The following OTOP1 variants were observed in gnomAD, a reference collection of about 807,000 sequenced individuals.
The protein encoded by OTOP1 is proton channel OTOP1.
OTOP1 carries 59 observed loss-of-function variants against 52.9 expected under a neutral mutation model. That is an observed-to-expected ratio of 1.12 (90% confidence interval 0.91 to 1.39). The LOEUF is 1.39. OTOP1 is among the 40% of genes most tolerant of loss of function. The pLI, the probability that OTOP1 is intolerant of heterozygous loss-of-function variation, is 0.00. For synonymous variants in OTOP1, 317 were observed against 337.7 expected (o/e 0.94, Z 0.67); for missense variants, 761 against 800.9 (o/e 0.95, Z 0.60).
At chr4:4,216,974 A>G (rs2980152) in intron 1 of OTOP1, among the ~76,000 whole-genome samples, 103,727 of 152,162 alleles carry the variant, frequency 0.68, 35,843 homozygotes, top group South Asian at 0.78. Context: ...GCAGGTGTGG[A>G]CGGGGCCCCA....
At chr4:4,191,173 C>T (rs746940147) in intron 5 of OTOP1, among the ~76,000 whole-genome samples, 23 of 152,236 alleles carry the variant, frequency 1.5e-4, no homozygotes, top group Non-Finnish European at 2.6e-4. Context: ...CATAACCATG[C>T]CCCCTCCCAT....
chr4:4,192,705 G>A (rs1716540046), intron 5 of OTOP1, among the ~76,000 whole-genome samples: 1 of 152,190 alleles, frequency 6.6e-6, no homozygotes, highest in Admixed American at 6.5e-5. Flanking sequence ...TGTGAAGGCA[G>A]GGGTCACACT....
chr4:4,208,198 C>T (rs1716950323), intron 2 of OTOP1, among the ~76,000 whole-genome samples: 1 of 152,180 alleles, frequency 6.6e-6, no homozygotes, highest in African/African-American at 2.4e-5. Context: ...TTCAACACAG[C>T]TATTTTAGGG....
Position 4,226,459 on chromosome 4 carries a change from C to G in OTOP1, c.403+3G>C. 1 of 1,460,774 alleles carries G rather than the reference C, an allele frequency of 6.8e-7. No homozygotes were observed. The highest frequency in any genetic ancestry group is 2.3e-5 in the Admixed American group (1 of 43,970). The allele number at this position is 1,460,774 out of a possible 1,614,324, so 90.5% of individuals were successfully genotyped here. A position where few individuals can be genotyped will look rare whatever the true frequency, so the allele number is the denominator to read the frequency against. On this transcript the variant is annotated splice_donor_region_variant and intron_variant, in intron 1 of 5. Coordinates refer to ENST00000296358, the MANE Select transcript of OTOP1 (RefSeq NM_177998.3). ...GACCCGCTCGCCCGGCGCCTGGACTCACCGCGCAGCCAGCCGGCACCCGCG... is the reference window on the plus strand; with the variant it reads ...GACCCGCTCGCCCGGCGCCTGGACTGACCGCGCAGCCAGCCGGCACCCGCG...
rs758517080 is a variant in OTOP1 at position 4,197,726 on chromosome 4, G to T, written c.1108C>A (p.Arg370=). The change falls in exon 5 of 6, where the codon CGG becomes AGG. Residue 370 remains arginine, a synonymous_variant. Coordinates refer to ENST00000296358, the MANE Select transcript of OTOP1 (RefSeq NM_177998.3). Reference sequence around the variant, plus strand: ...GACTTCTCGTCTATCCTGTAAATCCGGATTCCAGCCAGCCCCGCAGCCCCC... The same window carrying T: ...GACTTCTCGTCTATCCTGTAAATCCTGATTCCAGCCAGCCCCGCAGCCCCC... ...LMGAAGLAGI[R]IYRIDEKSLD... 11 of 1,613,828 alleles carry T rather than the reference G, an allele frequency of 6.8e-6. No homozygotes were observed. Among genetic ancestry groups the T allele is most frequent in the Non-Finnish European group, 7.6e-6 (9 of 1,179,978 alleles).
chr4:4,209,769 G>A (rs200710357), intron 2 of OTOP1, among the ~76,000 whole-genome samples: 2 of 152,118 alleles, frequency 1.3e-5, no homozygotes, highest in African/African-American at 2.4e-5. Flanking sequence ...AGCTGTGGTT[G>A]GAGCCAGAGT....
chr4:4,223,813 G>T (rs965230046), intron 1 of OTOP1, among the ~76,000 whole-genome samples: 2 of 151,720 alleles, frequency 1.3e-5, no homozygotes, highest in African/African-American at 2.4e-5. Context: ...TGAGGCAGGA[G>T]AATCACTTGA....
chr4:4,203,001 C>A (rs1470883873), intron 3 of OTOP1, among the ~76,000 whole-genome samples: 1 of 152,232 alleles, frequency 6.6e-6, no homozygotes, highest in African/African-American at 2.4e-5. Context: ...AGCAGGTCCA[C>A]CCTTACTGCT....
intron 3 of OTOP1, among the ~76,000 whole-genome samples, chr4:4,205,115 G>C (rs996299658): frequency 1.3e-5 from 2 of 152,098 alleles, no homozygotes; most frequent in African/African-American, 4.8e-5. Flanking sequence ...TTGCAGTTAG[G>C]AGATTCACTC....
At chr4:4,224,307 A>G (rs1025495851) in intron 1 of OTOP1, among the ~76,000 whole-genome samples, 1 of 149,918 alleles carries the variant, frequency 6.7e-6, no homozygotes, top group African/African-American at 2.5e-5. Context: ...AGATCGCACC[A>G]TTGCACTCCA....
chr4:4,210,750 C>T (rs187019304), intron 2 of OTOP1, among the ~76,000 whole-genome samples: 2 of 152,058 alleles, frequency 1.3e-5, no homozygotes, highest in Admixed American at 1.3e-4. Context: ...AGAATTGCTT[C>T]AACCCAGGAG....
At chr4:4,204,607 C>T (rs1239052765) in intron 3 of OTOP1, among the ~76,000 whole-genome samples, 1 of 152,132 alleles carries the variant, frequency 6.6e-6, no homozygotes, top group African/African-American at 2.4e-5. Flanking sequence ...ACGTCATTTT[C>T]TCATGCCAGG....
At position 4,197,154 on chromosome 4, in the gene OTOP1, G is replaced by C. The variant is rs112199944; in HGVS notation, c.1668+12C>G. On this transcript the variant is annotated intron_variant, in intron 5 of 5. Transcript: ENST00000296358. Reference sequence around the variant, plus strand: ...AAAATTAAAAGAATAAGAATAACTTGGTGCAGATTACCGAAATATTGCAGA... The same window carrying C: ...AAAATTAAAAGAATAAGAATAACTTCGTGCAGATTACCGAAATATTGCAGA... 210 of 1,586,594 alleles carry C rather than the reference G, an allele frequency of 1.3e-4. 1 individual carries two copies. The highest frequency in any genetic ancestry group is 5.8e-4 in the Admixed American group (33 of 56,552).
At position 4,202,431 on chromosome 4, in the gene OTOP1, C is replaced by T. The variant is rs530099148; in HGVS notation, c.730+17G>A. The T allele has an allele frequency of 3.5e-4, 560 of 1,612,652 alleles. 2 individuals are homozygous for T. The highest frequency in any genetic ancestry group is 6.6e-4 in the Middle Eastern group (4 of 6,056). ...TCCAACATGGCAGAAGGGCCACTCA[C>T]CTCTCTCACCACTCACCTGTTGTTA... is the stretch of plus-strand genomic sequence containing the variant. On this transcript the variant is annotated intron_variant, in intron 4 of 5. Coordinates refer to ENST00000296358, the MANE Select transcript of OTOP1 (RefSeq NM_177998.3).
chr4:4,215,786 T>C (rs1717134199), intron 1 of OTOP1, among the ~76,000 whole-genome samples: 1 of 152,120 alleles, frequency 6.6e-6, no homozygotes, highest in Non-Finnish European at 1.5e-5. Flanking sequence ...TTTTCTAAAA[T>C]AGAAAGTTTA....
chr4:4,200,154 C>G (rs2004587), intron 4 of OTOP1, among the ~76,000 whole-genome samples: 34,037 of 152,140 alleles, frequency 0.22, 4,590 homozygotes, highest in South Asian at 0.36. Context: ...TTTTGCTTCA[C>G]ACTTTGTCAT....
At chr4:4,200,786 A>C (rs1213197496) in intron 4 of OTOP1, among the ~76,000 whole-genome samples, 1 of 140,704 alleles carries the variant, frequency 7.1e-6, no homozygotes, top group East Asian at 2.1e-4. Context: ...TCAAATTCCT[A>C]GGCTGAAGCA....
In OTOP1 at chr4:4,220,028, CGT is replaced by C. The variant is rs1560211488; in HGVS notation, c.403+6432_403+6433del. On this transcript the variant is annotated intron_variant, in intron 1 of 5. Transcript: ENST00000296358. ...ATATATATGTATATACATGTATATA[CGT>C]ATATATGTATACATATATACATATA... is the stretch of plus-strand genomic sequence containing the variant. Among the ~76,000 whole-genome samples the C allele has an allele frequency of 8.4e-4, 60 of 71,076 alleles. 3 individuals are homozygous for C. Among genetic ancestry groups the C allele is most frequent in the East Asian group, 4.5e-3 (15 of 3,370 alleles). 46.6% of individuals were successfully genotyped at this position (71,076 alleles called of 152,430 possible).
intron 4 of OTOP1, 41 bp from the exon 5 acceptor site, chr4:4,198,144 G>C: frequency 6.6e-7 from 1 of 1,519,912 alleles, no homozygotes; most frequent in Non-Finnish European, 9.1e-7. Context: ...GCGATTAGCA[G>C]GTGCAAGGGG....
Sources: gnomAD v4.1 joint callset for allele counts (sites outside exome capture counted in the v4.1 genomes callset) on GRCh38, gnomAD v4.1.1 for gene constraint, MANE v1.5 for transcripts, NCBI Gene and HGNC (gene_info 2026-07-23, HGNC 2026-07-21) for gene names.